The following FER variants were observed in gnomAD, a reference collection of about 807,000 sequenced individuals.
The protein encoded by FER is FER tyrosine kinase.
FER carries 63 observed loss-of-function variants against 111.0 expected under a neutral mutation model. That is an observed-to-expected ratio of 0.57 (90% CI 0.46 to 0.70). The LOEUF (loss-of-function observed/expected upper bound fraction) is 0.70, where lower values mean the gene tolerates loss of function less well. FER is among the 30% of genes least tolerant of loss of function. FER has a pLI of 0.00. For synonymous variants in FER, 327 were observed against 313.9 expected (o/e 1.04, Z -0.44); for missense variants, 914 against 954.0 (o/e 0.96, Z 0.55).
intron 2 of FER, among the ~76,000 whole-genome samples, chr5:108,773,494 A>G (rs1753147969): frequency 6.6e-6 from 1 of 152,108 alleles, no homozygotes; most frequent in Non-Finnish European, 1.5e-5. Context: ...ATGGCTTCCA[A>G]TTCCATCCAT....
intron 10 of FER, among the ~76,000 whole-genome samples, chr5:108,918,513 G>T (rs1409472010): frequency 1.4e-5 from 2 of 147,918 alleles, no homozygotes; most frequent in East Asian, 2.0e-4. Context: ...TTGAGATGGA[G>T]TCTCGCTCTG....
At position 108,871,489 on chromosome 5, in the gene FER, A is replaced by G. The variant is rs768930973; in HGVS notation, c.790A>G (p.Ile264Val). 2.5e-5 allele frequency: 40 copies of G among 1,603,150 alleles called. 1 individual carries two copies. In the South Asian group the frequency reaches 2.6e-4, roughly 10 times the overall value. Residue 264 changes from isoleucine (I) to valine (V), a missense_variant, in exon 7 of 20, where the codon ATA (isoleucine) becomes GTA (valine). Physicochemically the swap from Ile to Val is conservative, Grantham distance 29. Around this residue, in one of 3 missense-constraint regions of FER, gnomAD observed 774 missense variants for 782.6 expected, o/e 0.99. Coordinates refer to ENST00000281092, the MANE Select transcript of FER (RefSeq NM_005246.4). Reference sequence around the variant, plus strand: ...TCCTAGTACAGAATACAATAATTTCATAGATGTTCACAGGTATGACATGTT... The same window carrying G: ...TCCTAGTACAGAATACAATAATTTCGTAGATGTTCACAGGTATGACATGTT... ...IDPSTEYNNF[I>V]DVHRTTAAKE...
At chr5:109,072,325 G>T (rs1002555059) in intron 16 of FER, among the ~76,000 whole-genome samples, 1 of 150,836 alleles carries the variant, frequency 6.6e-6, no homozygotes, top group Non-Finnish European at 1.5e-5. Context: ...TAATGTATTA[G>T]GTTGGTGCAG....
intron 5 of FER, among the ~76,000 whole-genome samples, chr5:108,844,043 T>TATGTGTGTGAACATATATGCGTGTGAAC (rs1561499864): frequency 3.9e-5 from 4 of 101,346 alleles, no homozygotes; most frequent in African/African-American, 1.6e-4. Context: ...TGTGTGAACA[T>TATGTGTGTGAACATATATGCGTGTGAAC]ATATATGTGT....
chr5:108,991,592 A>G (rs1313970346), intron 13 of FER, among the ~76,000 whole-genome samples: 1 of 152,134 alleles, frequency 6.6e-6, no homozygotes, highest in African/African-American at 2.4e-5. Flanking sequence ...TTTGTGCAGA[A>G]TTTATAATCA....
intron 1 of FER, among the ~76,000 whole-genome samples, chr5:108,756,851 A>G (rs1751174556): frequency 6.6e-6 from 1 of 152,144 alleles, no homozygotes; most frequent in Admixed American, 6.5e-5. Flanking sequence ...TCCCAGGTAG[A>G]GACAGTTTCT....
chr5:108,889,830 C>T (rs1747755064), intron 9 of FER, among the ~76,000 whole-genome samples: 1 of 151,640 alleles, frequency 6.6e-6, no homozygotes, highest in African/African-American at 2.4e-5. Flanking sequence ...GAAAAAATTC[C>T]TCACCTCACC....
Position 108,954,887 on chromosome 5 carries a change from A to G in FER, c.1488A>G (p.Val496=). Residue 496 remains valine (V), a synonymous_variant, in exon 12 of 20, where the codon GTA becomes GTG. Transcript: ENST00000281092. ...AACCTGGTGAATATGTCCTTTCTGT[A>G]TATTCTGATGGACAGAGGAGACATT... ...HGKPGEYVLS[V]YSDGQRRHFI... is the part of the protein sequence containing the mutation. 1.9e-6 allele frequency: 3 copies of G among 1,611,110 alleles called. No homozygotes were observed. Among genetic ancestry groups the G allele is most frequent in the African/African-American group, 1.3e-5 (1 of 74,912 alleles).
chr5:109,074,156 T>C (rs1306138928), intron 16 of FER, among the ~76,000 whole-genome samples: 1 of 152,214 alleles, frequency 6.6e-6, no homozygotes, highest in Non-Finnish European at 1.5e-5. Flanking sequence ...GCACTTAACA[T>C]GTAGAACTTC....
intron 10 of FER, among the ~76,000 whole-genome samples, chr5:108,924,402 A>G (rs1247516685): frequency 6.7e-6 from 1 of 149,664 alleles, no homozygotes; most frequent in Non-Finnish European, 1.5e-5. Context: ...ACAGAGATTT[A>G]TTTCTTAGAT....
intron 3 of FER, among the ~76,000 whole-genome samples, chr5:108,806,178 A>G (rs1445769056): frequency 6.6e-6 from 1 of 152,188 alleles, no homozygotes; most frequent in Admixed American, 6.5e-5. Flanking sequence ...AGAGGGTGCA[A>G]GCTCCAAGCC....
chr5:108,987,495 T>G (rs1014748766), intron 13 of FER, among the ~76,000 whole-genome samples: 8 of 152,160 alleles, frequency 5.3e-5, no homozygotes, highest in African/African-American at 1.7e-4. Flanking sequence ...GTAGAGGTCT[T>G]TCACCTCAGT....
At chr5:109,162,439 G>A (rs570407131) in intron 17 of FER, among the ~76,000 whole-genome samples, 2 of 152,104 alleles carry the variant, frequency 1.3e-5, no homozygotes, top group East Asian at 3.9e-4. Flanking sequence ...GAAAAGCTAA[G>A]TGCCATCTAG....
intron 13 of FER, among the ~76,000 whole-genome samples, chr5:108,976,876 T>G (rs990874307): frequency 1.2e-4 from 18 of 152,182 alleles, no homozygotes; most frequent in African/African-American, 4.1e-4. Context: ...CAACTTTATC[T>G]TGTAATATTA....
intron 5 of FER, among the ~76,000 whole-genome samples, chr5:108,847,402 T>C (rs951828685): frequency 6.6e-6 from 1 of 152,138 alleles, no homozygotes; most frequent in Non-Finnish European, 1.5e-5. Flanking sequence ...CTTTTACATT[T>C]ATGTAATAGT....
At chr5:108,756,844 C>T (rs910679562) in intron 1 of FER, among the ~76,000 whole-genome samples, 2 of 152,016 alleles carry the variant, frequency 1.3e-5, no homozygotes, top group African/African-American at 4.8e-5. Context: ...TTTAACCTCC[C>T]AGGTAGAGAC....
At chr5:109,179,500 C>G (rs531484522) in intron 17 of FER, among the ~76,000 whole-genome samples, 1 of 152,148 alleles carries the variant, frequency 6.6e-6, no homozygotes, top group Non-Finnish European at 1.5e-5. Context: ...ACATCGATTA[C>G]TTTTAAAATG....
intron 16 of FER, among the ~76,000 whole-genome samples, chr5:109,063,870 CT>C (rs1052995336): frequency 3.2e-4 from 49 of 152,028 alleles, no homozygotes; most frequent in Non-Finnish European, 2.4e-4. Flanking sequence ...AGAATGAGTA[CT>C]TTTTTTCTTT....
At chr5:108,987,644 T>C (rs942987660) in intron 13 of FER, among the ~76,000 whole-genome samples, 1 of 152,202 alleles carries the variant, frequency 6.6e-6, no homozygotes, top group African/African-American at 2.4e-5. Context: ...ATTAATTTTG[T>C]ATCCTGAAAC....
Sources: allele counts gnomAD v4.1 joint callset (sites outside exome capture counted in the v4.1 genomes callset), GRCh38; gene constraint gnomAD v4.1.1; regional missense constraint gnomAD v4.1.1; transcripts MANE v1.5; gene names NCBI Gene and HGNC (gene_info 2026-07-23, HGNC 2026-07-21).